NRXN1: variants seen among roughly 807,000 people sequenced by gnomAD.
NRXN1 encodes neurexin 1.
In NRXN1, 39 loss-of-function variants were observed where a neutral mutation model predicts 150.9. That is an observed-to-expected ratio of 0.26 (90% CI 0.20 to 0.34). NRXN1 has a LOEUF of 0.34. NRXN1 is among the 10% of genes least tolerant of loss of function. The pLI is 1.00. For synonymous variants in NRXN1, 924 were observed against 757.0 expected, an observed-to-expected ratio of 1.22 and a Z score of -3.62; for missense variants, 1,815 against 1,949.9, an observed-to-expected ratio of 0.93 and a Z score of 1.30.
At chr2:50,448,702 A>G (rs1168040950) in intron 17 of NRXN1, among the ~76,000 whole-genome samples, 1 of 152,192 alleles carries the variant, frequency 6.6e-6, no homozygotes, top group East Asian at 1.9e-4. Context: ...TAAAAAGCAT[A>G]TGCAACAATT....
chr2:50,308,428 G>A (rs1035479487), intron 17 of NRXN1, among the ~76,000 whole-genome samples: 1 of 152,026 alleles, frequency 6.6e-6, no homozygotes, highest in Non-Finnish European at 1.5e-5. Flanking sequence ...TCTGGGCTCA[G>A]GCAGTCTTCC....
At chr2:50,474,944 A>G (rs1220473301) in intron 15 of NRXN1, among the ~76,000 whole-genome samples, 1 of 151,804 alleles carries the variant, frequency 6.6e-6, no homozygotes, top group East Asian at 1.9e-4. Context: ...ACCTTCACTA[A>G]CTCAAAGAAT....
At chr2:50,685,783 ATGCATCATCTT>A (rs1691141065) in intron 5 of NRXN1, among the ~76,000 whole-genome samples, 2 of 152,082 alleles carry the variant, frequency 1.3e-5, no homozygotes, top group African/African-American at 4.8e-5. Context: ...CTAAAAGGTG[ATGCATCATCTT>A]TGCATCATCA....
At chr2:50,078,272 C>T (rs1399929066) in intron 19 of NRXN1, among the ~76,000 whole-genome samples, 1 of 151,520 alleles carries the variant, frequency 6.6e-6, no homozygotes, top group African/African-American at 2.4e-5. Flanking sequence ...ATTTGACTTA[C>T]AATTACACAA....
chr2:50,306,987 T>C (rs1174426095), intron 17 of NRXN1, among the ~76,000 whole-genome samples: 1 of 152,010 alleles, frequency 6.6e-6, no homozygotes, highest in Non-Finnish European at 1.5e-5. Flanking sequence ...TTGTGAGTTT[T>C]GTTTTGTTTT....
Position 51,028,501 on chromosome 2 carries a change from T to C in NRXN1, c.-228A>G, listed in dbSNP as rs1038822441. ...TCCAACTGGAAAACGTTGACCCCAGTGGTACAGGGTAGCCACAGAACTTCC... is the reference window on the plus strand; with the variant it reads ...TCCAACTGGAAAACGTTGACCCCAGCGGTACAGGGTAGCCACAGAACTTCC... On this transcript the variant is annotated 5_prime_UTR_variant, in exon 2 of 23. Coordinates refer to ENST00000401669, the MANE Select transcript of NRXN1 (RefSeq NM_001330078.2). 7.3e-6 allele frequency: 3 copies of C among 412,246 alleles called. No individual in the cohort carries two copies. Among genetic ancestry groups the C allele is most frequent in the East Asian group, 6.9e-5 (2 of 29,152 alleles). The allele number at this position is 412,246 out of a possible 1,614,324, so 25.5% of individuals were successfully genotyped here.
At chr2:50,688,644 C>T (rs541777454) in intron 5 of NRXN1, among the ~76,000 whole-genome samples, 3 of 152,254 alleles carry the variant, frequency 2.0e-5, no homozygotes, top group Admixed American at 6.5e-5. Context: ...AGATAGCATC[C>T]GTTATCTTCT....
intron 12 of NRXN1, chr2:50,506,857 A>C (rs534833283): frequency 4.2e-6 from 2 of 478,750 alleles, no homozygotes; most frequent in East Asian, 3.2e-5. Flanking sequence ...ACAAACATTC[A>C]GGTGTGACCA....
In NRXN1 at chr2:50,277,382, G is replaced by GTCCTTCCTTCCTTCCTTCCT. The variant is rs1159581983; in HGVS notation, c.3365-40432_3365-40413dup. Among the ~76,000 whole-genome samples, 397 of 132,140 alleles carry GTCCTTCCTTCCTTCCTTCCT rather than the reference G, an allele frequency of 3.0e-3. 14 individuals carry two copies. The highest frequency in any genetic ancestry group is 0.011 in the African/African-American group (375 of 35,340). The allele number at this position is 132,140 out of a possible 152,430, so 86.7% of individuals were successfully genotyped here. A position where few individuals can be genotyped will look rare whatever the true frequency, so the allele number is the denominator to read the frequency against. ...GGCCAAGAGGAACTCAAAAAGGTCC[G>GTCCTTCCTTCCTTCCTTCCT]TCCTTCCTTCCTTCCTTCCTCCCTC... On this transcript the variant is annotated intron_variant, in intron 17 of 22. Coordinates refer to ENST00000401669, the MANE Select transcript of NRXN1 (RefSeq NM_001330078.2).
chr2:50,346,782 C>G lies in NRXN1; in HGVS notation c.3365-109812G>C. The G allele has an allele frequency of 6.2e-7, 1 of 1,613,638 alleles. No homozygotes were observed. The highest frequency in any genetic ancestry group is 8.5e-7 in the Non-Finnish European group (1 of 1,179,918). On this transcript the variant is annotated intron_variant, in intron 17 of 22. Coordinates refer to ENST00000401669, the MANE Select transcript of NRXN1 (RefSeq NM_001330078.2). The surrounding 1 kb of genome is among the most constrained non-coding windows in gnomAD (Gnocchi z 5.0). ...TGCCATGGAAATGGTGGATGTGGTG[C>G]GCTCCCAAACTGGATGCCCCCCACG...
intron 19 of NRXN1, among the ~76,000 whole-genome samples, chr2:50,056,904 A>G (rs1573647121): frequency 6.6e-6 from 1 of 152,106 alleles, no homozygotes. Flanking sequence ...TGACAACTTT[A>G]TGATTAGGTG....
At chr2:50,522,427 C>T (rs183919655) in intron 12 of NRXN1, among the ~76,000 whole-genome samples, 1 of 152,202 alleles carries the variant, frequency 6.6e-6, no homozygotes, top group Admixed American at 6.6e-5. Context: ...TAATGCTTAA[C>T]GTGAATAAAT....
intron 8 of NRXN1, among the ~76,000 whole-genome samples, chr2:50,574,457 A>G (rs1292546781): frequency 6.6e-6 from 1 of 152,172 alleles, no homozygotes; most frequent in Non-Finnish European, 1.5e-5. Context: ...CATATCTCTA[A>G]TAAAAAAATC....
intron 5 of NRXN1, among the ~76,000 whole-genome samples, chr2:50,921,294 C>T (rs1685996584): frequency 6.6e-6 from 1 of 151,718 alleles, no homozygotes; most frequent in Non-Finnish European, 1.5e-5. Flanking sequence ...GAATGCATAG[C>T]TAGTTGATAA....
At chr2:49,935,149 T>C (rs923393436) in intron 22 of NRXN1, among the ~76,000 whole-genome samples, 6 of 152,230 alleles carry the variant, frequency 3.9e-5, no homozygotes, top group Non-Finnish European at 8.8e-5. Context: ...TTTAGATGCA[T>C]TGTCTCATTT....
chr2:50,265,383 T>A (rs189527444), intron 17 of NRXN1, among the ~76,000 whole-genome samples: 1 of 152,232 alleles, frequency 6.6e-6, no homozygotes, highest in Admixed American at 6.5e-5. Flanking sequence ...TCTCTCTACA[T>A]ATATTATAGG....
chr2:50,586,506 G>A (rs1373240562), intron 8 of NRXN1, among the ~76,000 whole-genome samples: 1 of 151,716 alleles, frequency 6.6e-6, no homozygotes, highest in Non-Finnish European at 1.5e-5. Context: ...CTGGTATAAA[G>A]TATGCACATA....
chr2:50,296,518 C>CTATTATTATTATTATTATTATTATTAT (rs70946899), intron 17 of NRXN1, among the ~76,000 whole-genome samples: 65 of 148,042 alleles, frequency 4.4e-4, no homozygotes, highest in East Asian at 3.6e-3. Flanking sequence ...TGCTTAGCTT[C>CTATTATTATTATTATTATTATTATTAT]TATTATTATT....
chr2:50,192,773 AT>A (rs1053263324), intron 18 of NRXN1, among the ~76,000 whole-genome samples: 1 of 151,832 alleles, frequency 6.6e-6, no homozygotes, highest in Non-Finnish European at 1.5e-5. Context: ...CTCCCGGCTA[AT>A]TTTTTTGTAT....
Sources: gnomAD v4.1 joint callset for allele counts (sites outside exome capture counted in the v4.1 genomes callset) on GRCh38, gnomAD v4.1.1 for gene constraint, Gnocchi (gnomAD v3.1) non-coding constraint, MANE v1.5 for transcripts, NCBI Gene and HGNC (gene_info 2026-07-23, HGNC 2026-07-21) for gene names.